Variants in RBM39 observed in about 807,000 individuals in gnomAD.
RBM39 encodes the protein RNA binding motif protein 39.
Under a neutral mutation model 79.6 loss-of-function variants are expected in RBM39, and 12 were observed. That is an observed-to-expected ratio of 0.15 (90% CI 0.10 to 0.24). The LOEUF (loss-of-function observed/expected upper bound fraction) is 0.24. Ranked by LOEUF, RBM39 falls within the 10% of genes least tolerant of loss-of-function variation. The probability of loss-of-function intolerance (pLI) is 1.00; values close to 1 mark genes in which losing one functional copy is unlikely to be tolerated. For missense variants in RBM39, 243 were observed against 653.4 expected (o/e 0.37, Z 6.85); for synonymous variants, 185 against 208.4 (o/e 0.89, Z 0.97).
chr20:35,735,117 T>C (rs1325902253), intron 3 of RBM39: 1 of 1,480,346 alleles, frequency 6.8e-7, no homozygotes, highest in African/African-American at 1.4e-5. Context: ...AAGTCATTTA[T>C]TCCAAAATTT....
At chr20:35,736,580 A>G in intron 3 of RBM39, 1 of 470,830 alleles carries the variant, frequency 2.1e-6, no homozygotes, top group South Asian at 1.5e-5. Flanking sequence ...TAGGAGGAAA[A>G]GAGCCAAAAA....
intron 8 of RBM39, among the ~76,000 whole-genome samples, chr20:35,722,557 A>G (rs2146608381): frequency 6.8e-6 from 1 of 147,362 alleles, no homozygotes; most frequent in Non-Finnish European, 1.5e-5. Flanking sequence ...CATCCACTAG[A>G]GACTGCCAGG....
intron 6 of RBM39, among the ~76,000 whole-genome samples, chr20:35,725,754 C>G (rs1343734524): frequency 6.6e-6 from 1 of 151,524 alleles, no homozygotes; most frequent in Non-Finnish European, 1.5e-5. Flanking sequence ...CCTCCGCCTC[C>G]CTGAGTTCAA....
At chr20:35,741,646 G>A (rs2040549580) in intron 1 of RBM39, 1 of 152,112 alleles carries the variant, frequency 6.6e-6, no homozygotes, top group African/African-American at 2.4e-5. Context: ...CCATTGGGAG[G>A]GGTTATGAGC....
intron 8 of RBM39, among the ~76,000 whole-genome samples, chr20:35,722,444 A>C (rs532185159): frequency 1.5e-5 from 2 of 136,544 alleles, no homozygotes; most frequent in East Asian, 4.3e-4. Flanking sequence ...AAAAATAAAA[A>C]GTTTATTTAG....
intron 4 of RBM39, among the ~76,000 whole-genome samples, chr20:35,730,840 TTTC>T (rs2039282517): frequency 6.6e-6 from 1 of 152,158 alleles, no homozygotes; most frequent in Admixed American, 6.5e-5. Context: ...GTGGTCCCAT[TTTC>T]AGCTATTAAA....
chr20:35,737,715 G>A (rs1207349637), intron 3 of RBM39, among the ~76,000 whole-genome samples: 2 of 151,448 alleles, frequency 1.3e-5, no homozygotes, highest in African/African-American at 4.9e-5. Flanking sequence ...CAGGCATGGT[G>A]GCAGGCGCCT....
chr20:35,711,937 A>G (rs138745413), intron 12 of RBM39, among the ~76,000 whole-genome samples: 178 of 152,244 alleles, frequency 1.2e-3, no homozygotes, highest in African/African-American at 4.1e-3. Flanking sequence ...TACTAAAAAT[A>G]CAAAAATTAG....
chr20:35,721,063 C>T (rs2037873496), intron 9 of RBM39, among the ~76,000 whole-genome samples: 1 of 152,118 alleles, frequency 6.6e-6, no homozygotes, highest in Admixed American at 6.5e-5. Context: ...GCCTCGGCCT[C>T]CCGAGTAGCT....
At chr20:35,726,003 T>C (rs1449940036) in intron 6 of RBM39, among the ~76,000 whole-genome samples, 1 of 152,040 alleles carries the variant, frequency 6.6e-6, no homozygotes, top group East Asian at 1.9e-4. Context: ...TGACAAAAAA[T>C]GCGCATAAAA....
intron 6 of RBM39, among the ~76,000 whole-genome samples, chr20:35,727,753 G>A (rs1223700990): frequency 1.3e-5 from 2 of 151,700 alleles, no homozygotes; most frequent in Admixed American, 6.6e-5. Flanking sequence ...GGGTTCAAGC[G>A]ATTCTCCTGC....
intron 8 of RBM39, among the ~76,000 whole-genome samples, chr20:35,723,105 T>C (rs1445933977): frequency 1.3e-5 from 2 of 149,492 alleles, no homozygotes; most frequent in South Asian, 2.1e-4. Flanking sequence ...TAAAATACTC[T>C]TGAGATTGGT....
At position 35,732,031 on chromosome 20, in the gene RBM39, C is replaced by T. The variant is rs750864321; in HGVS notation, c.206G>A (p.Arg69His). ...TTTGCTTCTACTTCGCTTTCTTTCACGGCTTTTGCTCTTTTTCCTTTCTCT... is the reference window on the plus strand; with the variant it reads ...TTTGCTTCTACTTCGCTTTCTTTCATGGCTTTTGCTCTTTTTCCTTTCTCT... ...RDRERKKSKS[R>H]ERKRSRSKER... Residue 69 changes from arginine to histidine, a missense_variant, in exon 4 of 17, where the codon CGT becomes CAT. Around this residue, in one of 4 missense-constraint regions of RBM39, gnomAD observed 115 missense variants for 184.1 expected, o/e 0.62. Coordinates refer to ENST00000253363, the MANE Select transcript of RBM39 (RefSeq NM_184234.3). The T allele has an allele frequency of 6.9e-5, 111 of 1,613,980 alleles. No individual in the cohort carries two copies. The highest frequency in any genetic ancestry group is 8.3e-5 in the Non-Finnish European group (98 of 1,180,032).
chr20:35,717,759 G>T (rs1437182762), intron 9 of RBM39, among the ~76,000 whole-genome samples: 1 of 152,208 alleles, frequency 6.6e-6, no homozygotes, highest in Non-Finnish European at 1.5e-5. Flanking sequence ...GGAGGCAGGA[G>T]GATCGCATGT....
Position 35,736,223 on chromosome 20 carries a change from G to A in RBM39, c.101+2745C>T, listed in dbSNP as rs2039890811. 2.0e-5 allele frequency among the ~76,000 whole-genome samples: 3 copies of A among 152,244 alleles called. No homozygotes were observed. The South Asian group carries it at 6.2e-4, about 32-fold the overall frequency. On this transcript the variant is annotated intron_variant, in intron 3 of 16. Coordinates refer to ENST00000253363, the MANE Select transcript of RBM39 (RefSeq NM_184234.3). ...TAGGAAACCATTACTGTGGCAGAAA[G>A]TCTAAAACCAGATGACATAAACCAT... is the stretch of plus-strand genomic sequence containing the variant.
rs1002012327 is a variant in RBM39 at position 35,701,829 on chromosome 20, C to T, written c.*2652G>A. On this transcript the variant is annotated 3_prime_UTR_variant, in exon 17 of 17. Coordinates refer to ENST00000253363, the MANE Select transcript of RBM39 (RefSeq NM_184234.3). ...GCCAGGCTGGTCTCAAACTCTTGACCTCATGATCCACCCGCCTCCGCCTCC... is the reference window on the plus strand; with the variant it reads ...GCCAGGCTGGTCTCAAACTCTTGACTTCATGATCCACCCGCCTCCGCCTCC... 1.3e-5 allele frequency: 2 copies of T among 152,112 alleles called. No homozygotes were observed. Among genetic ancestry groups the T allele is most frequent in the East Asian group, 1.9e-4 (1 of 5,172 alleles). 9.4% of individuals were successfully genotyped at this position (152,112 alleles called of 1,614,324 possible).
At chr20:35,736,312 T>A (rs2039899339) in intron 3 of RBM39, among the ~76,000 whole-genome samples, 1 of 152,166 alleles carries the variant, frequency 6.6e-6, no homozygotes, top group Admixed American at 6.5e-5. Flanking sequence ...CCACAATTTC[T>A]TGTGATTGGT....
chr20:35,722,704 C>G (rs1273461626), intron 8 of RBM39, among the ~76,000 whole-genome samples: 1 of 151,494 alleles, frequency 6.6e-6, no homozygotes. Context: ...GAGGCCGAGG[C>G]GGACGGATCA....
At chr20:35,712,171 G>T (rs1291505721) in intron 12 of RBM39, among the ~76,000 whole-genome samples, 2 of 151,988 alleles carry the variant, frequency 1.3e-5, no homozygotes, top group Non-Finnish European at 2.9e-5. Context: ...AAAGTTACAG[G>T]TAATTAAGAA....
Sources: gnomAD v4.1 joint callset for allele counts (sites outside exome capture counted in the v4.1 genomes callset) on GRCh38, gnomAD v4.1.1 for gene constraint, gnomAD v4.1.1 regional missense constraint, MANE v1.5 for transcripts, NCBI Gene and HGNC (gene_info 2026-07-23, HGNC 2026-07-21) for gene names.